Variants in RFTN1 observed in about 807,000 individuals in gnomAD.
RFTN1 encodes the protein raftlin.
In RFTN1, 26 loss-of-function variants were observed where a neutral mutation model predicts 46.5. The ratio of observed to expected loss-of-function variants is 0.56; its 90% confidence interval spans 0.41 to 0.78. RFTN1 has a LOEUF of 0.78. Ranked by LOEUF, RFTN1 falls within the 30% of genes least tolerant of loss-of-function variation. RFTN1 has a pLI of 0.00. For synonymous variants in RFTN1, 261 were observed against 284.2 expected (o/e 0.92, Z 0.82); for missense variants, 693 against 718.7 (o/e 0.96, Z 0.41).
chr3:16,347,284 T>C (rs1166983486), intron 7 of RFTN1, among the ~76,000 whole-genome samples: 1 of 152,242 alleles, frequency 6.6e-6, no homozygotes, highest in Non-Finnish European at 1.5e-5. Context: ...CGTCCATGCA[T>C]GTTATATCCA....
chr3:16,490,862 T>C (rs1200408604), intron 2 of RFTN1, among the ~76,000 whole-genome samples: 1 of 152,208 alleles, frequency 6.6e-6, no homozygotes, highest in Non-Finnish European at 1.5e-5. Context: ...CACCTCACTG[T>C]ACAATGTTAA....
rs1261026948 is a variant in RFTN1 at position 16,387,471 on chromosome 3, C to T, written c.442-9369G>A. ...CTCTTTGTCCCCAGCATCGGTGTGA[C>T]CCGGTTAAGGCAAAACCCAGGCCAT... is the stretch of plus-strand genomic sequence containing the variant. On this transcript the variant is annotated intron_variant, in intron 4 of 9. Transcript: ENST00000334133. The surrounding 1 kb of genome is among the most constrained non-coding windows in gnomAD (Gnocchi z 5.2). Among the ~76,000 whole-genome samples the T allele has an allele frequency of 6.6e-6, 1 of 152,082 alleles. No homozygotes were observed. The highest frequency in any genetic ancestry group is 2.4e-5 in the African/African-American group (1 of 41,406).
At chr3:16,398,142 G>A (rs2074513996) in intron 4 of RFTN1, among the ~76,000 whole-genome samples, 1 of 151,714 alleles carries the variant, frequency 6.6e-6, no homozygotes. Context: ...AGCTACTCGG[G>A]AGGCTGAGGC....
intron 2 of RFTN1, among the ~76,000 whole-genome samples, chr3:16,471,664 C>T (rs1219395211): frequency 1.3e-5 from 2 of 151,946 alleles, no homozygotes; most frequent in African/African-American, 4.9e-5. Context: ...TTTAAATAGA[C>T]ACACATGCAC....
At position 16,427,012 on chromosome 3, in the gene RFTN1, T is replaced by C. The variant is rs1575274254; in HGVS notation, c.332+6839A>G. On this transcript the variant is annotated intron_variant, in intron 3 of 9. Transcript: ENST00000334133. This position sits in a 1 kb window ranked among gnomAD's most constrained non-coding sequence, Gnocchi z 5.4. ...ACAGGAGAGACTGAGATTCCAGCAA[T>C]TGCTGTGTGTCGAAGGCAGGATAAG... Among the ~76,000 whole-genome samples, 1 of 152,230 alleles carries C rather than the reference T, an allele frequency of 6.6e-6. No individual in the cohort carries two copies. The highest frequency in any genetic ancestry group is 3.4e-3 in the Middle Eastern group (1 of 294).
chr3:16,333,288 C>T (rs958289583), intron 7 of RFTN1, among the ~76,000 whole-genome samples: 20 of 152,216 alleles, frequency 1.3e-4, no homozygotes, highest in African/African-American at 4.6e-4. Context: ...AAACCAGGCA[C>T]AATATTACCT....
rs751106207 is a variant in RFTN1 at position 16,459,630 on chromosome 3, T to C, written c.146-25593A>G. Reference sequence around the variant, plus strand: ...TAATAATAAGTAAATAAATGAAAATTACAAATAAAACTCAACTCTACATTC... The same window carrying C: ...TAATAATAAGTAAATAAATGAAAATCACAAATAAAACTCAACTCTACATTC... On this transcript the variant is annotated intron_variant, in intron 2 of 9. Transcript: ENST00000334133. This position sits in a 1 kb window ranked among gnomAD's most constrained non-coding sequence, Gnocchi z 4.2. 4.9e-4 allele frequency among the ~76,000 whole-genome samples: 74 copies of C among 152,226 alleles called. No individual in the cohort carries two copies. The highest frequency in any genetic ancestry group is 6.0e-4 in the Non-Finnish European group (41 of 68,020).
rs1268724593 is a variant in RFTN1 at position 16,421,655 on chromosome 3, T to G, written c.333-12172A>C. On this transcript the variant is annotated intron_variant, in intron 3 of 9. Coordinates refer to ENST00000334133, the MANE Select transcript of RFTN1 (RefSeq NM_015150.2). This position sits in a 1 kb window ranked among gnomAD's most constrained non-coding sequence, Gnocchi z 4.6. ...GTGAGCCACCACGCCCAGCCCAACA[T>G]TGGTGTTTTAATCTCATACTGCGTC... 2.6e-5 allele frequency among the ~76,000 whole-genome samples: 4 copies of G among 151,962 alleles called. No homozygotes were observed. Among genetic ancestry groups the G allele is most frequent in the Non-Finnish European group, 5.9e-5 (4 of 67,944 alleles).
At chr3:16,388,296 CCTG>C (rs1174147710) in intron 4 of RFTN1, among the ~76,000 whole-genome samples, 1 of 152,190 alleles carries the variant, frequency 6.6e-6, no homozygotes, top group African/African-American at 2.4e-5. Context: ...TCTTTTGCCT[CCTG>C]CTTTGTCCTC....
At position 16,456,664 on chromosome 3, in the gene RFTN1, C is replaced by T. The variant is rs1289963449; in HGVS notation, c.146-22627G>A. Among the ~76,000 whole-genome samples the T allele has an allele frequency of 5.3e-5, 8 of 152,160 alleles. No individual in the cohort carries two copies. In the East Asian group the frequency reaches 5.8e-4, roughly 11 times the overall value. On this transcript the variant is annotated intron_variant, in intron 2 of 9. Transcript: ENST00000334133. ...GGGTTACATCTATCTATATTCTTCA[C>T]GTTAGAACATTTAAAACTAAGACAT...
intron 3 of RFTN1, among the ~76,000 whole-genome samples, chr3:16,412,253 T>G (rs2074992886): frequency 6.6e-6 from 1 of 152,166 alleles, no homozygotes; most frequent in Non-Finnish European, 1.5e-5. Flanking sequence ...AATTAGCTCC[T>G]CAATTTGAAA....
intron 6 of RFTN1, among the ~76,000 whole-genome samples, chr3:16,362,892 C>T (rs2072919837): frequency 6.6e-6 from 1 of 152,158 alleles, no homozygotes; most frequent in South Asian, 2.1e-4. Flanking sequence ...GCTGGGCTTC[C>T]TCTCCTTCCT....
At chr3:16,389,961 T>G (rs954683088) in intron 4 of RFTN1, among the ~76,000 whole-genome samples, 1 of 152,152 alleles carries the variant, frequency 6.6e-6, no homozygotes, top group Admixed American at 6.5e-5. Context: ...GCTGCCATGT[T>G]TTGAGGAAGC....
rs34705903 is a variant in RFTN1, at chr3:16,426,660, CGTGTGTGTGTGTGTGT to C, written c.332+7175_332+7190del. Among the ~76,000 whole-genome samples the C allele has an allele frequency of 2.1e-5, 3 of 142,026 alleles. No individual in the cohort carries two copies. The highest frequency in any genetic ancestry group is 2.1e-4 in the Admixed American group (3 of 14,274). 93.2% of individuals were successfully genotyped at this position (142,026 alleles called of 152,430 possible). ...ACTGTTATTTTGGCAATGAAAGGATCGTGTGTGTGTGTGTGTGTGTGTGTGTGTGTGTGTGTGTCTG... is the reference window on the plus strand; with the variant it reads ...ACTGTTATTTTGGCAATGAAAGGATCGTGTGTGTGTGTGTGTGTGTGTCTG... On this transcript the variant is annotated intron_variant, in intron 3 of 9. Coordinates refer to ENST00000334133, the MANE Select transcript of RFTN1 (RefSeq NM_015150.2). This position sits in a 1 kb window ranked among gnomAD's most constrained non-coding sequence, Gnocchi z 5.9.
intron 2 of RFTN1, among the ~76,000 whole-genome samples, chr3:16,467,453 G>A (rs1158685319): frequency 6.6e-6 from 1 of 152,166 alleles, no homozygotes; most frequent in African/African-American, 2.4e-5. Context: ...GGCCCCGGCT[G>A]CCTCCGCTGC....
At chr3:16,397,217 G>A (rs1326548775) in intron 4 of RFTN1, among the ~76,000 whole-genome samples, 1 of 152,050 alleles carries the variant, frequency 6.6e-6, no homozygotes, top group East Asian at 1.9e-4. Context: ...TAAACCTAGA[G>A]GACATTATGC....
In RFTN1 at chr3:16,376,828, TTTCCC is replaced by T. The variant is rs552761782; in HGVS notation, c.826+885_826+889del. Among the ~76,000 whole-genome samples the T allele has an allele frequency of 3.7e-4, 56 of 152,332 alleles. No homozygotes were observed. The highest frequency in any genetic ancestry group is 1.2e-3 in the African/African-American group (51 of 41,584). ...AACAAAAGAAACTGTTTCTCCTTGT[TTTCCC>T]TTCTGGAAGCACCACCTGTTCATTA... is the stretch of plus-strand genomic sequence containing the variant. On this transcript the variant is annotated intron_variant, in intron 5 of 9. Transcript: ENST00000334133. The surrounding 1 kb of genome is among the most constrained non-coding windows in gnomAD (Gnocchi z 4.7).
At chr3:16,379,979 A>C (rs1018758835) in intron 4 of RFTN1, among the ~76,000 whole-genome samples, 1 of 152,216 alleles carries the variant, frequency 6.6e-6, no homozygotes, top group African/African-American at 2.4e-5. Flanking sequence ...CCTCAAATGA[A>C]ATGAGGAGAC....
At chr3:16,390,895 T>C (rs2074328144) in intron 4 of RFTN1, among the ~76,000 whole-genome samples, 1 of 152,246 alleles carries the variant, frequency 6.6e-6, no homozygotes, top group African/African-American at 2.4e-5. Context: ...CCACCAGGAA[T>C]ATATTTAAAC....
Sources: gnomAD v4.1 joint callset for allele counts (sites outside exome capture counted in the v4.1 genomes callset) on GRCh38, gnomAD v4.1.1 for gene constraint, Gnocchi (gnomAD v3.1) non-coding constraint, MANE v1.5 for transcripts, NCBI Gene and HGNC (gene_info 2026-07-23, HGNC 2026-07-21) for gene names.